The following ADGRL1 variants were observed in gnomAD, a reference collection of about 807,000 sequenced individuals.
ADGRL1 encodes the protein CIRL-1.
ADGRL1 carries 31 observed loss-of-function variants against 148.9 expected under a neutral mutation model. The observed-to-expected ratio is 0.21, with a 90% confidence interval of 0.16 to 0.28. The LOEUF (loss-of-function observed/expected upper bound fraction) is 0.28, where lower values mean the gene tolerates loss of function less well. Ranked by LOEUF, ADGRL1 falls within the 10% of genes least tolerant of loss-of-function variation. ADGRL1 has a pLI of 1.00. For synonymous variants in ADGRL1, 937 were observed against 900.3 expected (o/e 1.04, Z -0.73); for missense variants, 1,521 against 2,058.8 (o/e 0.74, Z 5.05).
rs532968442 is a variant in ADGRL1, at chr19:14,151,718, C to T, written c.3668-103G>A. 2.5e-6 allele frequency: 3 copies of T among 1,209,586 alleles called. No individual in the cohort carries two copies. The South Asian group carries it at 4.4e-5, about 18-fold the overall frequency. 74.9% of individuals were successfully genotyped at this position (1,209,586 alleles called of 1,614,324 possible). Reference sequence around the variant, plus strand: ...TGTGGAGAAGTGGGCTTGATTCCTGCTGGTTTTCCGTAGGCTTCCCCCTGC... The same window carrying T: ...TGTGGAGAAGTGGGCTTGATTCCTGTTGGTTTTCCGTAGGCTTCCCCCTGC... On this transcript the variant is annotated intron_variant, in intron 22 of 22. Coordinates refer to ENST00000361434, the MANE Select transcript of ADGRL1 (RefSeq NM_014921.5).
chr19:14,156,856 C>T, intron 15 of ADGRL1, 69 bp downstream of exon 15: 1 of 1,565,998 alleles, frequency 6.4e-7, no homozygotes, highest in Non-Finnish European at 8.7e-7. Context: ...CCTGAGGGTC[C>T]TGGTCCAAGG....
intron 2 of ADGRL1, among the ~76,000 whole-genome samples, chr19:14,183,209 G>GAGAGCGAGAGAGAGAC (rs1971328110): frequency 6.7e-6 from 1 of 150,128 alleles, no homozygotes. Context: ...GAGAGAGAGA[G>GAGAGCGAGAGAGAGAC]AGAGAGAGCG....
Position 14,162,891 on chromosome 19 carries a change from C to T in ADGRL1, c.910G>A (p.Gly304Ser), listed in dbSNP as rs762321172. ...TTGGATGCCGAGCGCTTGTCGTAAC[C>T]CGTCTCCCACGTGCCCTCAAAGCGC... ...TLRFEGTWET[G>S]YDKRSASNAF... Residue 304 changes from glycine (G) to serine (S), a missense_variant, in exon 5 of 23, where the codon GGT becomes AGT. By Grantham distance (56) the Gly-to-Ser change is moderately conservative. Around this residue, in one of 8 missense-constraint regions of ADGRL1, gnomAD observed 334 missense variants for 512.5 expected, o/e 0.65. Coordinates refer to ENST00000361434, the MANE Select transcript of ADGRL1 (RefSeq NM_014921.5). The surrounding 1 kb of genome is among the most constrained non-coding windows in gnomAD (Gnocchi z 5.4). 1 of 1,613,860 alleles carries T rather than the reference C, an allele frequency of 6.2e-7. No individual in the cohort carries two copies. The highest frequency in any genetic ancestry group is 1.1e-5 in the South Asian group (1 of 91,038).
intron 1 of ADGRL1, among the ~76,000 whole-genome samples, chr19:14,192,032 G>T (rs1971977667): frequency 6.6e-6 from 1 of 152,000 alleles, no homozygotes; most frequent in Non-Finnish European, 1.5e-5. Context: ...TCCTCTGAGA[G>T]TAGGGGGCCC....
chr19:14,199,571 G>A lies in ADGRL1; in HGVS notation c.-96+6414C>T, dbSNP rs1568634983. On this transcript the variant is annotated intron_variant, in intron 1 of 22. Coordinates refer to ENST00000361434, the MANE Select transcript of ADGRL1 (RefSeq NM_014921.5). ...TCCCAAGTAGCTGGGACCACAGGGC[G>A]TGTGCCACCGTGCCCAGCTAATTTT... Among the ~76,000 whole-genome samples, 10 of 151,934 alleles carry A rather than the reference G, an allele frequency of 6.6e-5. No individual in the cohort carries two copies. In the South Asian group the frequency reaches 2.1e-3, roughly 32 times the overall value.
At position 14,163,332 on chromosome 19, in the gene ADGRL1, C is replaced by T. The variant is rs764093428; in HGVS notation, c.469G>A (p.Ala157Thr). ...STHESEHQSG[A>T]WCKDPLQAGD... The stretch of plus-strand genomic sequence containing the variant: ...GCCTGCAGCGGGTCCTTGCACCATG[C>T]GCCAGACTGGTGCTCTGACTCGTGT... Residue 157 changes from alanine (A) to threonine (T), a missense_variant, in exon 5 of 23, where the codon GCA becomes ACA. By Grantham distance (58) the Ala-to-Thr change is moderately conservative (BLOSUM62 0). Coordinates refer to ENST00000361434, the MANE Select transcript of ADGRL1 (RefSeq NM_014921.5). 4 of 1,611,280 alleles carry T rather than the reference C, an allele frequency of 2.5e-6. No individual in the cohort carries two copies. Among genetic ancestry groups the T allele is most frequent in the East Asian group, 2.2e-5 (1 of 44,790 alleles).
chr19:14,192,107 G>A (rs56377175), intron 1 of ADGRL1, among the ~76,000 whole-genome samples: 57,511 of 151,908 alleles, frequency 0.38, 11,208 homozygotes, highest in African/African-American at 0.49. Context: ...ATACACTCAC[G>A]CTGGGAGTCA....
rs778259735 is a variant in ADGRL1, at chr19:14,151,240, A to G, written c.4043T>C (p.Leu1348Pro). ...CGACTCGTCCAGATCGCTCTGGTAC[A>G]GCACCGACTGGGCCCGGGGCAGCAG... ...PLLLPRAQSV[L>P]YQSDLDESES... The change falls in exon 23 of 23, where the codon CTG becomes CCG. Residue 1348 changes from leucine to proline, a missense_variant. Transcript: ENST00000361434. 43 of 1,611,980 alleles carry G rather than the reference A, an allele frequency of 2.7e-5. No individual in the cohort carries two copies. Among genetic ancestry groups the G allele is most frequent in the Non-Finnish European group, 3.4e-5 (40 of 1,179,720 alleles).
chr19:14,184,623 T>C (rs568099275), intron 1 of ADGRL1, among the ~76,000 whole-genome samples: 1 of 130,780 alleles, frequency 7.6e-6, no homozygotes, highest in African/African-American at 3.1e-5. Flanking sequence ...TATTTATTTA[T>C]TTATTTATTT....
Position 14,161,340 on chromosome 19 carries a change from C to T in ADGRL1, c.1482G>A (p.Val494=). 2 of 1,592,922 alleles carry T rather than the reference C, an allele frequency of 1.3e-6. No individual in the cohort carries two copies. Among genetic ancestry groups the T allele is most frequent in the Non-Finnish European group, 1.7e-6 (2 of 1,171,662 alleles). ...QWPATQQGML[V]ERPCPKGTRG... is the part of the protein sequence containing the mutation. ...GAGTCCCCTTGGGGCAGGGCCTCTC[C>T]ACCAGCATGCCCTGCTGGGTGGCCG... Residue 494 remains valine, a synonymous_variant, in exon 6 of 23, where the codon GTG becomes GTA. Coordinates refer to ENST00000361434, the MANE Select transcript of ADGRL1 (RefSeq NM_014921.5). This position sits in a 1 kb window ranked among gnomAD's most constrained non-coding sequence, Gnocchi z 4.4.
intron 3 of ADGRL1, among the ~76,000 whole-genome samples, chr19:14,172,286 G>A (rs1970525822): frequency 1.3e-5 from 2 of 152,194 alleles, no homozygotes; most frequent in African/African-American, 2.4e-5. Flanking sequence ...GCCAGGCGTG[G>A]TGGTGCATGT....
In ADGRL1 at chr19:14,188,255, G is replaced by A. The variant is rs533400091; in HGVS notation, c.-95-4558C>T. The stretch of plus-strand genomic sequence containing the variant: ...CCTCCCTGGCCCTGGTTCCCTCTGC[G>A]CTGCTATTCTGCAGGGTTCTGGTAA... On this transcript the variant is annotated intron_variant, in intron 1 of 22. Transcript: ENST00000361434. 1.2e-4 allele frequency among the ~76,000 whole-genome samples: 18 copies of A among 152,106 alleles called. No homozygotes were observed. In the East Asian group the frequency reaches 2.3e-3, roughly 20 times the overall value.
chr19:14,204,430 G>A (rs1972824656), intron 1 of ADGRL1, among the ~76,000 whole-genome samples: 2 of 152,034 alleles, frequency 1.3e-5, no homozygotes, highest in African/African-American at 4.8e-5. Context: ...GAGAGCAGGT[G>A]GAGGGCACGG....
Position 14,161,618 on chromosome 19 carries a change from T to A in ADGRL1, c.1204A>T (p.Thr402Ser). The change falls in exon 6 of 23, where the codon ACT (threonine) becomes TCT (serine). Residue 402 changes from threonine (T) to serine (S), a missense_variant. By Grantham distance (58) the Thr-to-Ser change is moderately conservative (BLOSUM62 1). Coordinates refer to ENST00000361434, the MANE Select transcript of ADGRL1 (RefSeq NM_014921.5). This position sits in a 1 kb window ranked among gnomAD's most constrained non-coding sequence, Gnocchi z 4.4. ...GPPDPSAGPA[T>S]SPPLSTTTTA... ...GTGGTCGTGCTGAGGGGTGGGGAAG[T>A]GGCTGGGCCTGGAGAGGGGATACGA... The A allele has an allele frequency of 7.1e-7, 1 of 1,406,712 alleles. No homozygotes were observed. The highest frequency in any genetic ancestry group is 1.6e-5 in the South Asian group (1 of 60,942). 87.1% of individuals were successfully genotyped at this position (1,406,712 alleles called of 1,614,324 possible).
chr19:14,157,567 G>A lies in ADGRL1; in HGVS notation c.2536-107C>T. On this transcript the variant is annotated intron_variant, in intron 13 of 22. Coordinates refer to ENST00000361434, the MANE Select transcript of ADGRL1 (RefSeq NM_014921.5). This position sits in a 1 kb window ranked among gnomAD's most constrained non-coding sequence, Gnocchi z 7.5. ...CCTGGGCAAGGCCATGGGCCGTGAGGACCTCTGGTGCCGCCAACCTGGCAG... is the reference window on the plus strand; with the variant it reads ...CCTGGGCAAGGCCATGGGCCGTGAGAACCTCTGGTGCCGCCAACCTGGCAG... The A allele has an allele frequency of 1.8e-6, 2 of 1,136,020 alleles. No individual in the cohort carries two copies. The highest frequency in any genetic ancestry group is 1.4e-5 in the South Asian group (1 of 72,648). The allele number at this position is 1,136,020 out of a possible 1,614,324, so 70.4% of individuals were successfully genotyped here. A position where few individuals can be genotyped will look rare whatever the true frequency, so the allele number is the denominator to read the frequency against.
intron 2 of ADGRL1, among the ~76,000 whole-genome samples, chr19:14,181,484 C>G (rs1971191820): frequency 6.6e-6 from 1 of 152,108 alleles, no homozygotes; most frequent in South Asian, 2.1e-4. Context: ...TTTGGAAGGC[C>G]GAGGTGGGTG....
rs1967992010 is a variant in ADGRL1 at position 14,149,919 on chromosome 19, TTTC to T, written c.*951_*953del. ...CTTCAAGTGATGAGATTTTTTTTCTTTTCTTTTTTTTTTTTTTTGTCTTTTTTT... is the reference window on the plus strand; with the variant it reads ...CTTCAAGTGATGAGATTTTTTTTCTTTTTTTTTTTTTTTTTGTCTTTTTTT... On this transcript the variant is annotated 3_prime_UTR_variant, in exon 23 of 23. Transcript: ENST00000361434. 2.1e-5 allele frequency: 3 copies of T among 145,752 alleles called. No homozygotes were observed. The highest frequency in any genetic ancestry group is 1.4e-4 in the Admixed American group (2 of 14,262). The allele number at this position is 145,752 out of a possible 1,614,324, so 9.0% of individuals were successfully genotyped here. A position where few individuals can be genotyped will look rare whatever the true frequency, so the allele number is the denominator to read the frequency against.
rs2144598098 is a variant in ADGRL1 at position 14,151,562 on chromosome 19, C to T, written c.3721G>A (p.Gly1241Ser). 1.2e-6 allele frequency: 2 copies of T among 1,609,992 alleles called. No homozygotes were observed. The highest frequency in any genetic ancestry group is 1.7e-6 in the Non-Finnish European group (2 of 1,179,208). ...ACGMDTLPLN[G>S]NFNNSYSLRS... is the part of the protein sequence containing the mutation. ...AAGGAGTAACTGTTATTGAAGTTGC[C>T]GTTCAGGGGCAGGGTGTCCATGCCA... is the stretch of plus-strand genomic sequence containing the variant. The change falls in exon 23 of 23, where the codon GGC (glycine) becomes AGC (serine). Residue 1241 changes from glycine (G) to serine (S), a missense_variant. Coordinates refer to ENST00000361434, the MANE Select transcript of ADGRL1 (RefSeq NM_014921.5).
At chr19:14,205,763 G>T (rs1972962447) in intron 1 of ADGRL1, among the ~76,000 whole-genome samples, 1 of 151,314 alleles carries the variant, frequency 6.6e-6, no homozygotes, top group Admixed American at 6.6e-5. Context: ...CTCCGTGGGG[G>T]CCGCCCCTCC....
Sources: allele counts gnomAD v4.1 joint callset (sites outside exome capture counted in the v4.1 genomes callset), GRCh38; gene constraint gnomAD v4.1.1; regional missense constraint gnomAD v4.1.1; non-coding constraint Gnocchi (gnomAD v3.1); transcripts MANE v1.5; gene names NCBI Gene and HGNC (gene_info 2026-07-23, HGNC 2026-07-21).